ALPK2: variants seen among roughly 807,000 people sequenced by gnomAD.
ALPK2 encodes alpha-protein kinase 2.
A neutral mutation model predicts 163.1 loss-of-function variants in ALPK2; 127 were observed. The observed-to-expected ratio is 0.78, with a 90% CI of 0.67 to 0.90. The LOEUF is 0.90. ALPK2 is among the 40% of genes least tolerant of loss of function. ALPK2 has a pLI of 0.00. For missense variants in ALPK2, 2,360 were observed against 2,589.6 expected (o/e 0.91, Z 1.92); for synonymous variants, 953 against 959.1 (o/e 0.99, Z 0.12).
chr18:58,595,908 C>G (rs975281946), intron 3 of ALPK2, among the ~76,000 whole-genome samples: 1 of 152,108 alleles, frequency 6.6e-6, no homozygotes, highest in Non-Finnish European at 1.5e-5. Flanking sequence ...TGGTCCAAGA[C>G]CAGGCTCTGA....
chr18:58,625,062 T>C (rs1444356692), intron 1 of ALPK2, among the ~76,000 whole-genome samples: 1 of 152,220 alleles, frequency 6.6e-6, no homozygotes, highest in African/African-American at 2.4e-5. Context: ...AGTTTGCTTT[T>C]CTGGATTTCC....
chr18:58,608,134 C>CTT (rs747898480), intron 2 of ALPK2, among the ~76,000 whole-genome samples: 1 of 152,154 alleles, frequency 6.6e-6, no homozygotes, highest in Non-Finnish European at 1.5e-5. Flanking sequence ...ATCACCTTAC[C>CTT]TTTTTGAAAA....
intron 3 of ALPK2, among the ~76,000 whole-genome samples, chr18:58,601,053 C>T (rs994227404): frequency 2.6e-5 from 4 of 152,126 alleles, no homozygotes; most frequent in Non-Finnish European, 4.4e-5. Context: ...GTCAGGAGTT[C>T]GAGACCAGCC....
At chr18:58,601,646 G>C (rs1355090672) in intron 3 of ALPK2, among the ~76,000 whole-genome samples, 2 of 152,148 alleles carry the variant, frequency 1.3e-5, no homozygotes, top group Non-Finnish European at 2.9e-5. Context: ...ATGTGGAGGA[G>C]AGCAAGGCGG....
At position 58,517,202 on chromosome 18, in the gene ALPK2, T is replaced by C; in HGVS notation, c.5666-20A>G. ...CACATCCTGAAACACAGCACAGCTT[T>C]GGTTGGAAAGAATACCTCCCAGTCC... On this transcript the variant is annotated intron_variant, in intron 8 of 12. Coordinates refer to ENST00000361673, the MANE Select transcript of ALPK2 (RefSeq NM_052947.4). The C allele has an allele frequency of 3.1e-6, 5 of 1,607,688 alleles. No homozygotes were observed. The highest frequency in any genetic ancestry group is 4.3e-6 in the Non-Finnish European group (5 of 1,175,514).
intron 10 of ALPK2, among the ~76,000 whole-genome samples, chr18:58,509,191 A>AT (rs1465261478): frequency 4.6e-5 from 7 of 152,022 alleles, no homozygotes; most frequent in African/African-American, 1.7e-4. Flanking sequence ...AGCTTCATCC[A>AT]TGTCCCTACA....
chr18:58,600,414 A>G (rs1296844930), intron 3 of ALPK2, among the ~76,000 whole-genome samples: 2 of 152,216 alleles, frequency 1.3e-5, no homozygotes, highest in African/African-American at 4.8e-5. Flanking sequence ...CATGTTTTTC[A>G]GATGTCTGGC....
At chr18:58,518,140 T>C (rs1248684042) in intron 8 of ALPK2, among the ~76,000 whole-genome samples, 1 of 152,262 alleles carries the variant, frequency 6.6e-6, no homozygotes, top group Non-Finnish European at 1.5e-5. Context: ...GACATCTTTC[T>C]GAATGTTTAC....
rs78049036 is a variant in ALPK2 at position 58,491,143 on chromosome 18, T to C, written c.6296+6906A>G. On this transcript the variant is annotated intron_variant, in intron 12 of 12. Transcript: ENST00000361673. ...TTTGCAGAAATTATAACTGAGAAAA[T>C]TGTGACAGTGAAAGAGATCTGACTG... Among the ~76,000 whole-genome samples the C allele has an allele frequency of 1.6e-3, 246 of 152,202 alleles. 2 individuals are homozygous for C. The highest frequency in any genetic ancestry group is 0.013 in the East Asian group (65 of 5,166).
intron 2 of ALPK2, among the ~76,000 whole-genome samples, chr18:58,609,045 T>G (rs1325359983): frequency 6.6e-6 from 1 of 151,746 alleles, no homozygotes; most frequent in East Asian, 1.9e-4. Flanking sequence ...GAAGAAAAAG[T>G]TCGTTAGACC....
chr18:58,578,554 A>G, intron 4 of ALPK2: 1 of 337,698 alleles, frequency 3.0e-6, no homozygotes, highest in Non-Finnish European at 5.3e-6. Context: ...GTGCCTCTTA[A>G]CTTCTATCAG....
rs2051599052 is a variant in ALPK2 at position 58,529,138 on chromosome 18, A to G, written c.5454T>C (p.Thr1818=). ...ACTTTGAATCTTTTGTCCAGCAGAT[A>G]GTAGAATCTTCATGAATTTCTGCAA... ...CQFAEIHEDS[T]ICWTKDSKSI... is the part of the protein sequence containing the mutation. Residue 1818 remains threonine, a synonymous_variant, in exon 6 of 13, where the codon ACT becomes ACC. Coordinates refer to ENST00000361673, the MANE Select transcript of ALPK2 (RefSeq NM_052947.4). 1 of 1,613,284 alleles carries G rather than the reference A, an allele frequency of 6.2e-7. No homozygotes were observed.
intron 4 of ALPK2, among the ~76,000 whole-genome samples, chr18:58,559,416 GC>G: frequency 6.6e-6 from 1 of 152,188 alleles, no homozygotes; most frequent in South Asian, 2.1e-4. Context: ...AACATCCTTT[GC>G]CCCAGCTACA....
chr18:58,488,452 G>A (rs548015513), intron 12 of ALPK2, among the ~76,000 whole-genome samples: 18 of 136,084 alleles, frequency 1.3e-4, no homozygotes, highest in African/African-American at 3.5e-4. Flanking sequence ...TCTGGGATCC[G>A]CTCACAACCG....
intron 4 of ALPK2, among the ~76,000 whole-genome samples, chr18:58,559,792 A>T (rs1305645930): frequency 6.6e-6 from 1 of 152,218 alleles, no homozygotes; most frequent in Non-Finnish European, 1.5e-5. Context: ...CTGCGTGAGG[A>T]ATGGGCTGCT....
At chr18:58,517,542 A>G (rs1414153872) in intron 8 of ALPK2, among the ~76,000 whole-genome samples, 2 of 152,154 alleles carry the variant, frequency 1.3e-5, no homozygotes, top group African/African-American at 4.8e-5. Context: ...AGAAAGACCA[A>G]TGATAAGATC....
intron 3 of ALPK2, among the ~76,000 whole-genome samples, chr18:58,606,131 T>G (rs1317961993): frequency 6.6e-6 from 1 of 152,196 alleles, no homozygotes; most frequent in Non-Finnish European, 1.5e-5. Context: ...CAAGCTGGAG[T>G]GCAGTGGTGC....
chr18:58,612,010 G>A (rs1462593781), intron 1 of ALPK2, among the ~76,000 whole-genome samples, 193 bp from the exon 2 acceptor site: 7 of 152,148 alleles, frequency 4.6e-5, no homozygotes, highest in East Asian at 1.9e-4. Flanking sequence ...TCTGTATTTC[G>A]GGGATGTCCT....
chr18:58,529,612 G>C (rs1377681331), intron 5 of ALPK2, among the ~76,000 whole-genome samples: 1 of 152,166 alleles, frequency 6.6e-6, no homozygotes, highest in African/African-American at 2.4e-5. Flanking sequence ...GTCGAAATCA[G>C]AGCTAGGAAT....
Sources: allele counts gnomAD v4.1 joint callset (sites outside exome capture counted in the v4.1 genomes callset), GRCh38; gene constraint gnomAD v4.1.1; transcripts MANE v1.5; gene names NCBI Gene and HGNC (gene_info 2026-07-23, HGNC 2026-07-21).